Variants in MAP1LC3A observed in about 807,000 individuals in gnomAD.
The protein encoded by MAP1LC3A is microtubule associated protein 1 light chain 3 alpha, also known as microtubule-associated protein 1 light chain 3 alpha.
A neutral mutation model predicts 15.2 loss-of-function variants in MAP1LC3A; 10 were observed. The ratio of observed to expected loss-of-function variants is 0.66; its 90% CI spans 0.41 to 1.12. MAP1LC3A has a LOEUF of 1.12. Among genes scored for constraint, MAP1LC3A ranks in the 50% most tolerant of loss-of-function variants. MAP1LC3A has a pLI of 0.00. For missense variants in MAP1LC3A, 138 were observed against 167.3 expected (o/e 0.82, Z 0.97); for synonymous variants, 63 against 64.3 (o/e 0.98, Z 0.10).
In MAP1LC3A at chr20:34,559,924, G is replaced by A. The variant is rs756646621; in HGVS notation, c.*26G>A. On this transcript the variant is annotated 3_prime_UTR_variant, in exon 4 of 4. Transcript: ENST00000360668. ...GCCAGCAGTAGGGGGGCTCGGCCTG[G>A]GAGTCGGGCGGCCCCGGTCAGGCCC... is the stretch of plus-strand genomic sequence containing the variant. 1.6e-5 allele frequency: 26 copies of A among 1,597,660 alleles called. No individual in the cohort carries two copies. The highest frequency in any genetic ancestry group is 2.2e-5 in the Non-Finnish European group (26 of 1,172,968).
rs1453348089 is a variant in MAP1LC3A, at chr20:34,559,885, C to G, written c.353C>G (p.Thr118Ser). 1.1e-5 allele frequency: 18 copies of G among 1,611,052 alleles called. No individual in the cohort carries two copies. The highest frequency in any genetic ancestry group is 1.4e-5 in the Non-Finnish European group (17 of 1,178,942). ...TATATGGTCTACGCCTCCCAGGAAA[C>G]CTTCGGCTTCTGAGCCAGCAGTAGG... ...FLYMVYASQE[T>S]FGF The change falls in exon 4 of 4, where the codon ACC (threonine) becomes AGC (serine). Residue 118 changes from threonine (T) to serine (S), a missense_variant. Transcript: ENST00000360668.
At chr20:34,551,436 G>A (rs899570222) in intron 2 of MAP1LC3A, among the ~76,000 whole-genome samples, 3 of 150,346 alleles carry the variant, frequency 2.0e-5, no homozygotes, top group African/African-American at 7.4e-5. Flanking sequence ...GACTGGTGAG[G>A]CCCAAGGAAC....
chr20:34,556,939 A>C (rs1424156958), upstream of MAP1LC3A, among the ~76,000 whole-genome samples: 4 of 152,194 alleles, frequency 2.6e-5, no homozygotes, highest in Non-Finnish European at 5.9e-5. Context: ...GGAACATAGA[A>C]GTTCAGAACT....
chr20:34,559,636 G>A, intron 3 of MAP1LC3A, 100 bp from the exon 4 acceptor site: 4 of 1,362,512 alleles, frequency 2.9e-6, no homozygotes, highest in South Asian at 1.3e-5. Flanking sequence ...CAGCTGGGGT[G>A]AGAATGGGTG....
In MAP1LC3A at chr20:34,558,985, C is replaced by T. The variant is rs1391456210; in HGVS notation, c.40+77C>T. On this transcript the variant is annotated intron_variant, in intron 1 of 3. Transcript: ENST00000360668. This position sits in a 1 kb window ranked among gnomAD's most constrained non-coding sequence, Gnocchi z 4.3. ...CCCGACTGCCGCAGGTGACGTCAGC[C>T]CCGTGACGTCAGGCTCTGGCTGGAC... 5 of 1,341,030 alleles carry T rather than the reference C, an allele frequency of 3.7e-6. No individual in the cohort carries two copies. The Admixed American group carries it at 1.2e-4, about 33-fold the overall frequency. 83.1% of individuals were successfully genotyped at this position (1,341,030 alleles called of 1,614,324 possible). A position where few individuals can be genotyped will look rare whatever the true frequency, so the allele number is the denominator to read the frequency against.
At chr20:34,547,844 T>A (rs1981797093) in intron 1 of MAP1LC3A, among the ~76,000 whole-genome samples, 1 of 152,134 alleles carries the variant, frequency 6.6e-6, no homozygotes, top group Non-Finnish European at 1.5e-5. Flanking sequence ...GGTCTTGAGC[T>A]CCTGCGGCCT....
intron 3 of MAP1LC3A, 131 bp downstream of exon 3, chr20:34,559,584 A>T: frequency 8.1e-7 from 1 of 1,227,010 alleles, no homozygotes; most frequent in Non-Finnish European, 1.2e-6. Context: ...GTGGCTGGAA[A>T]GGTCAAGGTC....
At chr20:34,550,049 C>A in intron 2 of MAP1LC3A, 1 of 1,613,446 alleles carries the variant, frequency 6.2e-7, no homozygotes. Flanking sequence ...GCCCGCCTGC[C>A]GTTGTGTGAA....
chr20:34,547,417 C>CTTTTT (rs935450076), intron 1 of MAP1LC3A, among the ~76,000 whole-genome samples: 2 of 121,088 alleles, frequency 1.7e-5, no homozygotes, highest in East Asian at 4.6e-4. Context: ...CGCTCCCCAC[C>CTTTTT]TTTTTTTTTT....
chr20:34,559,511 G>C, intron 3 of MAP1LC3A, 58 bp downstream of exon 3: 1 of 1,485,388 alleles, frequency 6.7e-7, no homozygotes, highest in Admixed American at 1.8e-5. Flanking sequence ...CCGGGTTCCC[G>C]CCGAGAAGGG....
rs747034930 is a variant in MAP1LC3A, at chr20:34,559,939, C to T, written c.*41C>T. On this transcript the variant is annotated 3_prime_UTR_variant, in exon 4 of 4. Transcript: ENST00000360668. ...GCTCGGCCTGGGAGTCGGGCGGCCC[C>T]GGTCAGGCCCTGCCCAGAGAGCTCC... 9 of 1,579,230 alleles carry T rather than the reference C, an allele frequency of 5.7e-6. No homozygotes were observed. Among genetic ancestry groups the T allele is most frequent in the East Asian group, 4.5e-5 (2 of 44,686 alleles).
At position 34,558,729 on chromosome 20, in the gene MAP1LC3A, C is replaced by G. The variant is rs1982260842; in HGVS notation, c.-140C>G. ...GACCTGACGTCACCGGGCGAGTTAC[C>G]TCCCGCAGCCGCAGCCGCCGTGCTC... On this transcript the variant is annotated 5_prime_UTR_variant, in exon 1 of 4. Coordinates refer to ENST00000360668, the MANE Select transcript of MAP1LC3A (RefSeq NM_032514.4). This position sits in a 1 kb window ranked among gnomAD's most constrained non-coding sequence, Gnocchi z 4.3. 2 of 1,297,502 alleles carry G rather than the reference C, an allele frequency of 1.5e-6. No individual in the cohort carries two copies. The highest frequency in any genetic ancestry group is 4.2e-5 in the Admixed American group (1 of 23,602). The allele number at this position is 1,297,502 out of a possible 1,614,324, so 80.4% of individuals were successfully genotyped here. A position where few individuals can be genotyped will look rare whatever the true frequency, so the allele number is the denominator to read the frequency against.
intron 2 of MAP1LC3A, among the ~76,000 whole-genome samples, chr20:34,553,382 G>A (rs369451528): frequency 1.1e-4 from 16 of 152,096 alleles, no homozygotes; most frequent in African/African-American, 3.4e-4. Flanking sequence ...TGGGGCAGGG[G>A]AGGGACTGAA....
At chr20:34,556,223 TAG>T (rs971829319), upstream of MAP1LC3A, among the ~76,000 whole-genome samples, 5 of 152,240 alleles carry the variant, frequency 3.3e-5, no homozygotes, top group African/African-American at 7.2e-5. Flanking sequence ...ATATTTAGAA[TAG>T]GTTTAAATTT....
At chr20:34,547,643 C>T (rs1285825944) in intron 1 of MAP1LC3A, among the ~76,000 whole-genome samples, 1 of 152,112 alleles carries the variant, frequency 6.6e-6, no homozygotes, top group Non-Finnish European at 1.5e-5. Context: ...CTCCTGCGTT[C>T]ATTCTCTCTC....
At chr20:34,559,292 GC>G in intron 2 of MAP1LC3A, 29 bp downstream of exon 2, 1 of 706,912 alleles carries the variant, frequency 1.4e-6, no homozygotes, top group Non-Finnish European at 2.0e-6. Context: ...GCCCTGCCCC[GC>G]CCCCGCCTCG....
chr20:34,547,415 AC>A (rs1981776250), intron 1 of MAP1LC3A, among the ~76,000 whole-genome samples: 1 of 115,318 alleles, frequency 8.7e-6, no homozygotes, highest in African/African-American at 3.3e-5. Context: ...ACCGCTCCCC[AC>A]CTTTTTTTTT....
rs1029622451 is a variant in MAP1LC3A at position 34,560,155 on chromosome 20, G to C, written c.*257G>C. 2 of 379,156 alleles carry C rather than the reference G, an allele frequency of 5.3e-6. No individual in the cohort carries two copies. The highest frequency in any genetic ancestry group is 7.0e-5 in the South Asian group (2 of 28,404). The allele number at this position is 379,156 out of a possible 1,614,324, so 23.5% of individuals were successfully genotyped here. ...CAGCTCCCAGCACCCCTGCTGTGTG[G>C]TTCATCTTTTTTTTAGGCCCCTGCC... On this transcript the variant is annotated 3_prime_UTR_variant, in exon 4 of 4. Transcript: ENST00000360668.
At chr20:34,548,383 G>A (rs928763482) in intron 1 of MAP1LC3A, among the ~76,000 whole-genome samples, 10 of 152,224 alleles carry the variant, frequency 6.6e-5, no homozygotes, top group African/African-American at 2.4e-4. Flanking sequence ...CAGGTGACCA[G>A]ACCGCTCCAA....
Sources: allele counts gnomAD v4.1 joint callset (sites outside exome capture counted in the v4.1 genomes callset), GRCh38; gene constraint gnomAD v4.1.1; non-coding constraint Gnocchi (gnomAD v3.1); transcripts MANE v1.5; gene names NCBI Gene and HGNC (gene_info 2026-07-23, HGNC 2026-07-21).